The following ZBTB43 variants were observed in gnomAD, a reference collection of about 807,000 sequenced individuals.
ZBTB43 encodes zinc finger and BTB domain-containing protein 43.
Under a neutral mutation model 31.1 loss-of-function variants are expected in ZBTB43, and 6 were observed. That is an observed-to-expected ratio of 0.19 (90% CI 0.11 to 0.38). The LOEUF (loss-of-function observed/expected upper bound fraction) is 0.38. Ranked by LOEUF, ZBTB43 falls within the 10% of genes least tolerant of loss-of-function variation. ZBTB43 has a pLI of 1.00. For synonymous variants in ZBTB43, 212 were observed against 221.7 expected (o/e 0.96, Z 0.39); for missense variants, 379 against 602.1 (o/e 0.63, Z 3.88).
chr9:126,829,383 C>T (rs1207653170), intron 2 of ZBTB43, among the ~76,000 whole-genome samples: 1 of 152,120 alleles, frequency 6.6e-6, no homozygotes, highest in Non-Finnish European at 1.5e-5. Context: ...ATTTTACAAC[C>T]CCTGCCAACT....
rs1184564273 is a variant in ZBTB43, at chr9:126,825,850, T to A, written c.-23-6637T>A. Among the ~76,000 whole-genome samples, 11 of 145,220 alleles carry A rather than the reference T, an allele frequency of 7.6e-5. 1 individual carries two copies. Among genetic ancestry groups the A allele is most frequent in the Middle Eastern group, 6.9e-3 (2 of 290 alleles). The stretch of plus-strand genomic sequence containing the variant: ...ATTTGGTTCCTTTTTATATTTTTTT[T>A]TTTTTTTTTTTTTGAGATGGCGCAT... On this transcript the variant is annotated intron_variant, in intron 2 of 2. Transcript: ENST00000373464.
In ZBTB43 at chr9:126,837,854, T is replaced by TTTA; in HGVS notation, c.*3941_*3942insTTA. On this transcript the variant is annotated 3_prime_UTR_variant, in exon 3 of 3. Transcript: ENST00000373464. ...CAAATGTGACTTTTTTTTTTTTTTT[T>TTTA]AATTTTTGCTTGAAGCCTGTGTCAT... 6.1e-6 allele frequency: 1 copy of TTTA among 165,242 alleles called. No homozygotes were observed. The allele number at this position is 165,242 out of a possible 1,614,324, so 10.2% of individuals were successfully genotyped here.
chr9:126,815,285 GTTTTCAAT>G (rs2032355021), intron 2 of ZBTB43, among the ~76,000 whole-genome samples: 2 of 114,540 alleles, frequency 1.7e-5, no homozygotes, highest in Admixed American at 1.8e-4. Context: ...TATATATATA[GTTTTCAAT>G]ATATAAAACT....
chr9:126,813,029 G>A (rs1466225219), intron 2 of ZBTB43, among the ~76,000 whole-genome samples: 1 of 150,808 alleles, frequency 6.6e-6, no homozygotes, highest in African/African-American at 2.5e-5. Context: ...TGCCCAGGCT[G>A]GAGTGCTTTG....
rs146199686 is a variant in ZBTB43, at chr9:126,833,123, G to A, written c.614G>A (p.Arg205His). 1.5e-4 allele frequency: 239 copies of A among 1,613,882 alleles called. No individual in the cohort carries two copies. Among genetic ancestry groups the A allele is most frequent in the South Asian group, 2.3e-4 (21 of 91,076 alleles). Residue 205 changes from arginine (R) to histidine (H), a missense_variant, in exon 3 of 3, where the codon CGC (arginine) becomes CAC (histidine). Physicochemically the swap from Arg to His is conservative, Grantham distance 29 (BLOSUM62 0). Around this residue, in one of 5 missense-constraint regions of ZBTB43, gnomAD observed 253 missense variants for 322.3 expected, o/e 0.79. Coordinates refer to ENST00000373464, the MANE Select transcript of ZBTB43 (RefSeq NM_014007.4). The surrounding 1 kb of genome is among the most constrained non-coding windows in gnomAD (Gnocchi z 7.9). ...AGCAACTCGTCCACAGAGCATGACC[G>A]CCTGAGCACGGAAATGGCAAGCCAG... is the stretch of plus-strand genomic sequence containing the variant. ...LPSNSSTEHD[R>H]LSTEMASQDG... is the part of the protein sequence containing the mutation.
At chr9:126,819,272 A>G (rs1205026304) in intron 2 of ZBTB43, among the ~76,000 whole-genome samples, 1 of 133,576 alleles carries the variant, frequency 7.5e-6, no homozygotes, top group East Asian at 2.2e-4. Flanking sequence ...TGCTTCACGG[A>G]TATTGCATTT....
intron 2 of ZBTB43, among the ~76,000 whole-genome samples, chr9:126,822,548 T>C (rs2032538211): frequency 6.6e-6 from 1 of 151,798 alleles, no homozygotes; most frequent in Admixed American, 6.6e-5. Flanking sequence ...CTCAAGACCA[T>C]CCTGGGCAAC....
chr9:126,825,103 C>T (rs996813579), intron 2 of ZBTB43, among the ~76,000 whole-genome samples: 3 of 152,012 alleles, frequency 2.0e-5, no homozygotes, highest in Admixed American at 2.0e-4. Flanking sequence ...TGCCACCATG[C>T]CTGGCTATTG....
chr9:126,833,597 A>G lies in ZBTB43; in HGVS notation c.1088A>G (p.His363Arg). The change falls in exon 3 of 3, where the codon CAC becomes CGC. Residue 363 changes from histidine (H) to arginine (R), a missense_variant. By Grantham distance (29) the His-to-Arg change is conservative. Coordinates refer to ENST00000373464, the MANE Select transcript of ZBTB43 (RefSeq NM_014007.4). This position sits in a 1 kb window ranked among gnomAD's most constrained non-coding sequence, Gnocchi z 7.9. ...ACAGGGATTAAAGAAGAAGCTTCCC[A>G]CTTAGGATTCTCAGCCACTGACAAG... Reference protein sequence around the residue: ...MVTGIKEEASHLGFSATDKLY... With the variant: ...MVTGIKEEASRLGFSATDKLY... 6 of 1,614,106 alleles carry G rather than the reference A, an allele frequency of 3.7e-6. No individual in the cohort carries two copies. The East Asian group carries it at 1.1e-4, about 30-fold the overall frequency.
chr9:126,814,430 C>T (rs2032327699), intron 2 of ZBTB43, among the ~76,000 whole-genome samples: 1 of 143,892 alleles, frequency 6.9e-6, no homozygotes, highest in Non-Finnish European at 1.5e-5. Context: ...CTTTTGTTTT[C>T]ATGTGACTTT....
In ZBTB43 at chr9:126,833,972, A is replaced by G; in HGVS notation, c.*59A>G. ...AAATAAACTATGGTAATTAATGCAA[A>G]TCTGGGCACAGATGATGCGTGCTAC... On this transcript the variant is annotated 3_prime_UTR_variant, in exon 3 of 3. Coordinates refer to ENST00000373464, the MANE Select transcript of ZBTB43 (RefSeq NM_014007.4). The surrounding 1 kb of genome is among the most constrained non-coding windows in gnomAD (Gnocchi z 7.9). 1 of 1,486,402 alleles carries G rather than the reference A, an allele frequency of 6.7e-7. No homozygotes were observed. The highest frequency in any genetic ancestry group is 1.4e-5 in the South Asian group (1 of 69,330). The allele number at this position is 1,486,402 out of a possible 1,614,324, so 92.1% of individuals were successfully genotyped here. A position where few individuals can be genotyped will look rare whatever the true frequency, so the allele number is the denominator to read the frequency against.
intron 1 of ZBTB43, among the ~76,000 whole-genome samples, chr9:126,806,879 G>A (rs1242437815): frequency 6.6e-6 from 1 of 152,118 alleles, no homozygotes; most frequent in Non-Finnish European, 1.5e-5. Context: ...TTCTGCCCTG[G>A]CTCTCCTCCC....
Position 126,832,995 on chromosome 9 carries a change from T to C in ZBTB43, c.486T>C (p.His162=), listed in dbSNP as rs1249187640. Residue 162 remains histidine (H), a synonymous_variant, in exon 3 of 3, where the codon CAT becomes CAC. Coordinates refer to ENST00000373464, the MANE Select transcript of ZBTB43 (RefSeq NM_014007.4). ...VESFELGSGG[H]TDFPKAQELR... ...GCTTTGAGCTGGGCTCTGGGGGTCA[T>C]ACTGATTTTCCCAAAGCCCAAGAAC... 6.2e-7 allele frequency: 1 copy of C among 1,613,634 alleles called. No homozygotes were observed. Among genetic ancestry groups the C allele is most frequent in the African/African-American group, 1.3e-5 (1 of 74,886 alleles).
chr9:126,818,892 G>A (rs2119134415), intron 2 of ZBTB43, among the ~76,000 whole-genome samples: 1 of 152,268 alleles, frequency 6.6e-6, no homozygotes, highest in Non-Finnish European at 1.5e-5. Context: ...TTAGGAAGTG[G>A]TCCCTCCCCT....
rs770929392 is a variant in ZBTB43, at chr9:126,832,797, C to G, written c.288C>G (p.Pro96=). The change falls in exon 3 of 3, where the codon CCC becomes CCG. Residue 96 remains proline (P), a synonymous_variant. Coordinates refer to ENST00000373464, the MANE Select transcript of ZBTB43 (RefSeq NM_014007.4). ...GTTATACAGGACGTCTAGTAATGCC[C>G]GCTCCAGAAATTGTTAGTTACTTGA... ...LSSYTGRLVM[P]APEIVSYLTA... is the part of the protein sequence containing the mutation. The G allele has an allele frequency of 6.2e-7, 1 of 1,613,956 alleles. No individual in the cohort carries two copies. The highest frequency in any genetic ancestry group is 1.3e-5 in the African/African-American group (1 of 74,876).
chr9:126,822,827 A>G (rs866365566), intron 2 of ZBTB43, among the ~76,000 whole-genome samples: 1 of 152,202 alleles, frequency 6.6e-6, no homozygotes, highest in African/African-American at 2.4e-5. Context: ...CATCCACTCA[A>G]GGTAAGACCC....
intron 2 of ZBTB43, among the ~76,000 whole-genome samples, chr9:126,825,901 A>G (rs1377452202): frequency 7.2e-6 from 1 of 139,686 alleles, no homozygotes; most frequent in Non-Finnish European, 1.5e-5. Flanking sequence ...GCTGAAGTGC[A>G]GTGGTGCCAT....
chr9:126,805,501 C>T (rs1038351059), intron 1 of ZBTB43, among the ~76,000 whole-genome samples: 1 of 152,222 alleles, frequency 6.6e-6, no homozygotes, highest in Non-Finnish European at 1.5e-5. Context: ...TTCGAGCCAC[C>T]AATGCCTGAG....
intron 2 of ZBTB43, among the ~76,000 whole-genome samples, chr9:126,828,459 A>G (rs946446230): frequency 5.3e-5 from 8 of 151,306 alleles, no homozygotes; most frequent in South Asian, 2.1e-4. Flanking sequence ...CTGTGACTAC[A>G]GGTGTGAGCC....
Sources: allele counts gnomAD v4.1 joint callset (sites outside exome capture counted in the v4.1 genomes callset), GRCh38; gene constraint gnomAD v4.1.1; regional missense constraint gnomAD v4.1.1; non-coding constraint Gnocchi (gnomAD v3.1); transcripts MANE v1.5; gene names NCBI Gene and HGNC (gene_info 2026-07-23, HGNC 2026-07-21).